UNC13C: variants seen among roughly 807,000 people sequenced by gnomAD.
UNC13C encodes unc-13 homolog C, also known as protein unc-13 homolog C.
A neutral mutation model predicts 245.4 loss-of-function variants in UNC13C; 174 were observed. The observed-to-expected ratio is 0.71, with a 90% CI of 0.63 to 0.80. The LOEUF is 0.80. UNC13C is among the 30% of genes least tolerant of loss of function. UNC13C has a pLI of 0.00. For synonymous variants in UNC13C, 992 were observed against 895.1 expected, an observed-to-expected ratio of 1.11 and a Z score of -1.93; for missense variants, 2,829 against 2,602.9, an observed-to-expected ratio of 1.09 and a Z score of -1.89.
At chr15:54,545,735 T>A (rs953360857) in intron 26 of UNC13C, among the ~76,000 whole-genome samples, 5 of 152,084 alleles carry the variant, frequency 3.3e-5, no homozygotes, top group Non-Finnish European at 7.4e-5. Context: ...TTATTACTGG[T>A]CATTTGCATT....
the UNC13C span, among the ~76,000 whole-genome samples, chr15:53,845,754 C>T: frequency 1.3e-5 from 2 of 152,136 alleles, no homozygotes; most frequent in African/African-American, 2.4e-5. Flanking sequence ...TTTTTATTTC[C>T]TATAATGCTA....
intron 13 of UNC13C, among the ~76,000 whole-genome samples, chr15:54,303,311 A>G (rs993046670): frequency 6.6e-6 from 1 of 152,184 alleles, no homozygotes; most frequent in East Asian, 1.9e-4. Context: ...AGTATGATGA[A>G]CAGTCTAAGG....
chr15:54,603,350 T>G lies in UNC13C; in HGVS notation c.6107-18977T>G, dbSNP rs539931833. Among the ~76,000 whole-genome samples, 410 of 152,324 alleles carry G rather than the reference T, an allele frequency of 2.7e-3. 5 individuals carry two copies. In the Middle Eastern group the frequency reaches 0.034, roughly 13 times the overall value. On this transcript the variant is annotated intron_variant, in intron 30 of 32. Coordinates refer to ENST00000260323, the MANE Select transcript of UNC13C (RefSeq NM_001080534.3). The stretch of plus-strand genomic sequence containing the variant: ...CTCAATTATTGATGAGAAAAACACT[T>G]GACACAAATCACTTTACTGGCAGCT...
At chr15:54,121,459 T>C (rs2030663271) in intron 2 of UNC13C, among the ~76,000 whole-genome samples, 1 of 152,104 alleles carries the variant, frequency 6.6e-6, no homozygotes, top group Non-Finnish European at 1.5e-5. Flanking sequence ...ATTATGGTGG[T>C]CTGGAACTAA....
chr15:54,592,241 A>C (rs1356214715), intron 30 of UNC13C, among the ~76,000 whole-genome samples: 1 of 152,172 alleles, frequency 6.6e-6, no homozygotes, highest in East Asian at 1.9e-4. Context: ...AGAAAGTTCC[A>C]TGCACTGCTG....
At chr15:54,258,445 C>A (rs1466887725) in intron 8 of UNC13C, among the ~76,000 whole-genome samples, 2 of 152,124 alleles carry the variant, frequency 1.3e-5, no homozygotes, top group Non-Finnish European at 2.9e-5. Context: ...CTCAGTGCAA[C>A]CTTCACCTGC....
Position 54,340,134 on chromosome 15 carries a change from A to AT in UNC13C, c.4713+1653dup, listed in dbSNP as rs1256747764. Among the ~76,000 whole-genome samples, 6 of 151,576 alleles carry AT rather than the reference A, an allele frequency of 4.0e-5. No homozygotes were observed. In the East Asian group the frequency reaches 5.9e-4, roughly 15 times the overall value. ...TGTCCTTATCCCACTTTCTGATAAG[A>AT]TTTTTTTTCTTACTAATTTGTTTGA... is the stretch of plus-strand genomic sequence containing the variant. On this transcript the variant is annotated intron_variant, in intron 17 of 32. Transcript: ENST00000260323.
intron 26 of UNC13C, among the ~76,000 whole-genome samples, chr15:54,536,790 T>A (rs1374254255): frequency 6.6e-6 from 1 of 151,886 alleles, no homozygotes. Context: ...TCGCCTCATG[T>A]TAAAAACCCT....
At chr15:54,009,171 A>C (rs1375922779) in intron 1 of UNC13C, among the ~76,000 whole-genome samples, 1 of 152,172 alleles carries the variant, frequency 6.6e-6, no homozygotes, top group African/African-American at 2.4e-5. Flanking sequence ...AATATTAGGA[A>C]ATTGTTGCTG....
At chr15:54,517,009 C>T (rs1373743429) in intron 24 of UNC13C, among the ~76,000 whole-genome samples, 1 of 151,908 alleles carries the variant, frequency 6.6e-6, no homozygotes, top group African/African-American at 2.4e-5. Flanking sequence ...TAAAGGTAGT[C>T]GATTTGCAAT....
At chr15:54,220,465 A>T in intron 4 of UNC13C, among the ~76,000 whole-genome samples, 1 of 120,622 alleles carries the variant, frequency 8.3e-6, no homozygotes, top group East Asian at 2.8e-4. Flanking sequence ...GGGAGGGGGG[A>T]GGGATAGCAT....
intron 8 of UNC13C, among the ~76,000 whole-genome samples, chr15:54,257,395 C>T (rs1342431913): frequency 6.6e-6 from 1 of 152,192 alleles, no homozygotes; most frequent in African/African-American, 2.4e-5. Context: ...GTTATGCGAG[C>T]ACATTCCTGA....
chr15:54,358,180 G>T (rs891138964), intron 17 of UNC13C, among the ~76,000 whole-genome samples: 1 of 151,968 alleles, frequency 6.6e-6, no homozygotes, highest in African/African-American at 2.4e-5. Flanking sequence ...TGGCCAATGT[G>T]TCTGTTTTTA....
intron 18 of UNC13C, among the ~76,000 whole-genome samples, chr15:54,408,331 C>A (rs1261595050): frequency 1.3e-5 from 2 of 149,142 alleles, no homozygotes; most frequent in African/African-American, 4.9e-5. Flanking sequence ...CTAAAATGAA[C>A]GTTATTAAAT....
chr15:54,487,906 A>G (rs600078), intron 19 of UNC13C, among the ~76,000 whole-genome samples: 89,240 of 151,760 alleles, frequency 0.59, 26,381 homozygotes, highest in East Asian at 0.79. Context: ...TTTTCCTGAC[A>G]TATTACGTAT....
chr15:54,428,922 T>C (rs1287279688), intron 19 of UNC13C, among the ~76,000 whole-genome samples: 2 of 151,714 alleles, frequency 1.3e-5, no homozygotes, highest in African/African-American at 2.4e-5. Flanking sequence ...TTCTGCCTCT[T>C]TCTTCACATG....
At chr15:54,318,456 C>T (rs569831862) in intron 13 of UNC13C, among the ~76,000 whole-genome samples, 91 of 151,920 alleles carry the variant, frequency 6.0e-4, no homozygotes, top group African/African-American at 2.1e-3. Flanking sequence ...TGGTCTTAAT[C>T]GGCATTTCCC....
chr15:54,498,285 G>A (rs1295647818), intron 20 of UNC13C, among the ~76,000 whole-genome samples: 1 of 151,964 alleles, frequency 6.6e-6, no homozygotes, highest in Non-Finnish European at 1.5e-5. Flanking sequence ...ACTGCCTCCT[G>A]AGCCATAAAA....
In UNC13C at chr15:54,438,871, C is replaced by A. The variant is rs527934868; in HGVS notation, c.4933+23804C>A. Among the ~76,000 whole-genome samples the A allele has an allele frequency of 5.9e-5, 9 of 152,044 alleles. No individual in the cohort carries two copies. The South Asian group carries it at 1.2e-3, about 21-fold the overall frequency. On this transcript the variant is annotated intron_variant, in intron 19 of 32. Transcript: ENST00000260323. ...AAGTAACATTAAGTTCTTCCCTCAC[C>A]TTTACACTTTACTCAGAGTCCAAGC...
Sources: gnomAD v4.1 joint callset for allele counts (sites outside exome capture counted in the v4.1 genomes callset) on GRCh38, gnomAD v4.1.1 for gene constraint, MANE v1.5 for transcripts, NCBI Gene and HGNC (gene_info 2026-07-23, HGNC 2026-07-21) for gene names.